TRDN: variants seen among roughly 807,000 people sequenced by gnomAD.
TRDN encodes triadin.
Under a neutral mutation model 149.7 loss-of-function variants are expected in TRDN, and 161 were observed. The observed-to-expected ratio is 1.08, with a 90% CI of 0.95 to 1.23. The LOEUF (loss-of-function observed/expected upper bound fraction) is 1.23, where lower values mean the gene tolerates loss of function less well. TRDN is among the 50% of genes most tolerant of loss of function. The probability of loss-of-function intolerance (pLI) is 0.00; values close to 1 mark genes in which losing one functional copy is unlikely to be tolerated. For synonymous variants in TRDN, 294 were observed against 250.5 expected (o/e 1.17, Z -1.64); for missense variants, 896 against 823.5 (o/e 1.09, Z -1.08).
intron 21 of TRDN, chr6:123,351,474 C>T (rs1170547595): frequency 6.1e-6 from 6 of 983,904 alleles, no homozygotes; most frequent in Non-Finnish European, 7.2e-6. Context: ...ACAGAAACAT[C>T]TACTGAACTG....
chr6:123,483,287 A>G (rs1024321976), intron 9 of TRDN, among the ~76,000 whole-genome samples: 6 of 151,560 alleles, frequency 4.0e-5, no homozygotes, highest in African/African-American at 1.5e-4. Context: ...TATTTTTAGT[A>G]GAGACGGGGT....
intron 4 of TRDN, among the ~76,000 whole-genome samples, chr6:123,543,542 C>G (rs766419559): frequency 1.3e-5 from 2 of 152,016 alleles, no homozygotes; most frequent in Non-Finnish European, 2.9e-5. Context: ...TAGGAGTTAC[C>G]CAGAAAGCAA....
At chr6:123,617,903 A>G (rs916268318) in intron 1 of TRDN, among the ~76,000 whole-genome samples, 1 of 152,090 alleles carries the variant, frequency 6.6e-6, no homozygotes, top group Non-Finnish European at 1.5e-5. Context: ...ACACCCGGCT[A>G]ATTTTTGTAT....
chr6:123,314,059 A>T (rs1384641102), intron 24 of TRDN, among the ~76,000 whole-genome samples: 2 of 152,008 alleles, frequency 1.3e-5, no homozygotes, highest in African/African-American at 4.8e-5. Context: ...GAGTAAACAG[A>T]CAACCTACAG....
At chr6:123,479,323 C>A (rs571456495) in intron 9 of TRDN, among the ~76,000 whole-genome samples, 2 of 152,228 alleles carry the variant, frequency 1.3e-5, no homozygotes, top group East Asian at 3.9e-4. Context: ...GAAAGTTATA[C>A]ATTTTTCCAT....
intron 2 of TRDN, among the ~76,000 whole-genome samples, chr6:123,556,553 C>G (rs1781666786): frequency 1.3e-5 from 2 of 150,984 alleles, no homozygotes; most frequent in South Asian, 4.2e-4. Context: ...TTCTTTTTTC[C>G]TGTTCAGTCT....
chr6:123,278,082 A>G (rs1362667706), intron 26 of TRDN, among the ~76,000 whole-genome samples: 1 of 152,180 alleles, frequency 6.6e-6, no homozygotes, highest in African/African-American at 2.4e-5. Context: ...CAATTCAATT[A>G]CTTAGTTACT....
intron 9 of TRDN, among the ~76,000 whole-genome samples, chr6:123,472,812 G>A (rs1777251671): frequency 6.6e-6 from 1 of 151,678 alleles, no homozygotes; most frequent in African/African-American, 2.4e-5. Flanking sequence ...CTAACTGGGA[G>A]GCAACCCCCC....
At position 123,580,692 on chromosome 6, in the gene TRDN, C is replaced by T. The variant is rs748387255; in HGVS notation, c.23-9560G>A. Among the ~76,000 whole-genome samples the T allele has an allele frequency of 5.3e-5, 8 of 152,160 alleles. 1 individual carries two copies. In the South Asian group the frequency reaches 1.7e-3, roughly 32 times the overall value. ...GTCAAAAAGAGACCCTGCCTATCAC[C>T]AATCAAATAGCTGTAACTATGCAAC... On this transcript the variant is annotated intron_variant, in intron 1 of 40. Transcript: ENST00000334268.
At chr6:123,597,675 A>G (rs1211390689) in intron 1 of TRDN, among the ~76,000 whole-genome samples, 1 of 152,114 alleles carries the variant, frequency 6.6e-6, no homozygotes, top group East Asian at 1.9e-4. Flanking sequence ...AGACATCAAC[A>G]TCAAGGCAAG....
chr6:123,257,539 A>G (rs955323225), intron 35 of TRDN, among the ~76,000 whole-genome samples: 5 of 152,174 alleles, frequency 3.3e-5, no homozygotes, highest in African/African-American at 1.2e-4. Flanking sequence ...TGTTTTGGTT[A>G]CTGTAGCTTT....
At chr6:123,249,941 T>C (rs1459992018) in intron 38 of TRDN, among the ~76,000 whole-genome samples, 2 of 152,050 alleles carry the variant, frequency 1.3e-5, no homozygotes, top group Non-Finnish European at 1.5e-5. Flanking sequence ...ATCTTATATC[T>C]AGAAAAACCT....
chr6:123,428,349 C>T (rs984937313), intron 12 of TRDN, among the ~76,000 whole-genome samples: 4 of 152,120 alleles, frequency 2.6e-5, no homozygotes, highest in East Asian at 3.9e-4. Flanking sequence ...CACCCCTACC[C>T]GCTTTCCCAA....
chr6:123,538,297 C>T (rs1488094702), intron 4 of TRDN, among the ~76,000 whole-genome samples: 6 of 151,996 alleles, frequency 3.9e-5, no homozygotes. Flanking sequence ...GTTATTAGAG[C>T]ACAACAGATT....
At chr6:123,344,681 G>A (rs922244032) in intron 21 of TRDN, among the ~76,000 whole-genome samples, 2 of 151,862 alleles carry the variant, frequency 1.3e-5, no homozygotes, top group African/African-American at 2.4e-5. Flanking sequence ...TTCACCTATT[G>A]AAGGACATCT....
chr6:123,603,408 T>C (rs890425023), intron 1 of TRDN, among the ~76,000 whole-genome samples: 2 of 152,122 alleles, frequency 1.3e-5, no homozygotes, highest in Non-Finnish European at 2.9e-5. Context: ...TTACTCTTTT[T>C]TTTTCTGTAT....
At chr6:123,240,945 G>T (rs1460306409) in intron 38 of TRDN, among the ~76,000 whole-genome samples, 1 of 151,832 alleles carries the variant, frequency 6.6e-6, no homozygotes, top group Non-Finnish European at 1.5e-5. Flanking sequence ...GGTTATGCTA[G>T]AAAGTATCAT....
At chr6:123,325,001 T>G (rs925337085) in intron 23 of TRDN, among the ~76,000 whole-genome samples, 1 of 152,204 alleles carries the variant, frequency 6.6e-6, no homozygotes, top group Non-Finnish European at 1.5e-5. Context: ...TTCTAAGATT[T>G]TATTCTTTAG....
chr6:123,334,484 A>G (rs1017165322), intron 22 of TRDN, among the ~76,000 whole-genome samples: 2 of 152,162 alleles, frequency 1.3e-5, no homozygotes, highest in South Asian at 2.1e-4. Context: ...TCAGACCAGG[A>G]GTTAGAAACA....
Sources: allele counts gnomAD v4.1 joint callset (sites outside exome capture counted in the v4.1 genomes callset), GRCh38; gene constraint gnomAD v4.1.1; transcripts MANE v1.5; gene names NCBI Gene and HGNC (gene_info 2026-07-23, HGNC 2026-07-21).